PCDHGA7: variants seen among roughly 807,000 people sequenced by gnomAD.
PCDHGA7 encodes the protein protocadherin gamma-A7.
In PCDHGA7, 44 loss-of-function variants were observed where a neutral mutation model predicts 58.3. The observed-to-expected ratio is 0.75, with a 90% CI of 0.59 to 0.97. PCDHGA7 has a LOEUF of 0.97. Among genes scored for constraint, PCDHGA7 ranks in the 50% least tolerant of loss-of-function variants. The pLI is 0.00. For synonymous variants in PCDHGA7, 516 were observed against 504.2 expected (o/e 1.02, Z -0.31); for missense variants, 1,266 against 1,188.7 (o/e 1.06, Z -0.96).
At chr5:141,501,334 C>CA (rs2099808390) in intron 2 of PCDHGA7, among the ~76,000 whole-genome samples, 1 of 145,376 alleles carries the variant, frequency 6.9e-6, no homozygotes, top group Non-Finnish European at 1.5e-5. Flanking sequence ...CACACACACA[C>CA]CCCAAACTCA....
At chr5:141,430,906 C>A (rs764039566) in intron 1 of PCDHGA7, 2 of 1,606,932 alleles carry the variant, frequency 1.2e-6, no homozygotes, top group Non-Finnish European at 1.7e-6. Flanking sequence ...GCGACATCTC[C>A]AGGGACCTGG....
In PCDHGA7 at chr5:141,487,107, T is replaced by C. The variant is rs1193091014; in HGVS notation, c.2425-7700T>C. 6.2e-7 allele frequency: 1 copy of C among 1,613,926 alleles called. No individual in the cohort carries two copies. The highest frequency in any genetic ancestry group is 8.5e-7 in the Non-Finnish European group (1 of 1,179,782). On this transcript the variant is annotated intron_variant, in intron 1 of 3. Transcript: ENST00000518325. This position sits in a 1 kb window ranked among gnomAD's most constrained non-coding sequence, Gnocchi z 5.0. ...GACCTCCCACCACAGAAGCTGGTCA[T>C]TGTGGTAAAGGATAGTGGTAGTCCA...
At chr5:141,481,357 G>A (rs1399668487) in intron 1 of PCDHGA7, among the ~76,000 whole-genome samples, 1 of 152,176 alleles carries the variant, frequency 6.6e-6, no homozygotes, top group Non-Finnish European at 1.5e-5. Context: ...ATCTACAGCT[G>A]TTCAATAGAT....
Position 141,432,206 on chromosome 5 carries a change from G to T in PCDHGA7, c.2424+46883G>T, listed in dbSNP as rs551220443. ...GACCGCCCACGACCCCGACTGTGAA[G>T]AGAACGCCCAGATCACTTATTCCCT... On this transcript the variant is annotated intron_variant, in intron 1 of 3. Coordinates refer to ENST00000518325, the MANE Select transcript of PCDHGA7 (RefSeq NM_018920.4). The surrounding 1 kb of genome is among the most constrained non-coding windows in gnomAD (Gnocchi z 6.0). 12 of 1,614,214 alleles carry T rather than the reference G, an allele frequency of 7.4e-6. No individual in the cohort carries two copies. The Admixed American group carries it at 8.3e-5, about 11-fold the overall frequency.
rs182936964 is a variant in PCDHGA7, at chr5:141,502,069, T to C, written c.2484-3324T>C. 1.1e-3 allele frequency among the ~76,000 whole-genome samples: 175 copies of C among 152,186 alleles called. 1 individual carries two copies. Among genetic ancestry groups the C allele is most frequent in the African/African-American group, 3.9e-3 (162 of 41,524 alleles). ...CCCTACTTTATTCCCATTAGCCCCC[T>C]TCACCTGGGGCTGAGAACACCTGGC... On this transcript the variant is annotated intron_variant, in intron 2 of 3. Coordinates refer to ENST00000518325, the MANE Select transcript of PCDHGA7 (RefSeq NM_018920.4).
intron 1 of PCDHGA7, chr5:141,398,580 A>T: frequency 1.2e-6 from 2 of 1,614,044 alleles, no homozygotes; most frequent in Non-Finnish European, 1.7e-6. Flanking sequence ...CTGGCACAAG[A>T]TTTATACTAG....
chr5:141,422,807 G>C (rs199507728), intron 1 of PCDHGA7: 7 of 1,614,198 alleles, frequency 4.3e-6, no homozygotes, highest in Non-Finnish European at 5.9e-6. Context: ...GAGCAGTTTC[G>C]AGACTTAGAA....
At position 141,423,654 on chromosome 5, in the gene PCDHGA7, T is replaced by C. The variant is rs768410507; in HGVS notation, c.2424+38331T>C. The C allele has an allele frequency of 6.3e-6, 10 of 1,583,982 alleles. No individual in the cohort carries two copies. The Admixed American group carries it at 1.8e-4, about 28-fold the overall frequency. ...TTTTAGGCAAATGTGACCCGACAAG[T>C]AATCAGGTGAGATTTATTTCTCTGC... On this transcript the variant is annotated intron_variant, in intron 1 of 3. Transcript: ENST00000518325.
intron 1 of PCDHGA7, chr5:141,423,466 G>C (rs770939556): frequency 1.2e-6 from 2 of 1,613,904 alleles, no homozygotes; most frequent in Admixed American, 3.3e-5. Context: ...CGTGGACGGG[G>C]TACAGGCTTT....
At chr5:141,403,574 C>T (rs1441332710) in intron 1 of PCDHGA7, 1 of 1,613,960 alleles carries the variant, frequency 6.2e-7, no homozygotes, top group Non-Finnish European at 8.5e-7. Context: ...GGCAACTGCC[C>T]ACCACCTGGT....
At position 141,512,133 on chromosome 5, in the gene PCDHGA7, G is replaced by C. The variant is rs1394116556; in HGVS notation, c.*960G>C. 1 of 152,708 alleles carries C rather than the reference G, an allele frequency of 6.5e-6. No homozygotes were observed. Among genetic ancestry groups the C allele is most frequent in the Non-Finnish European group, 1.5e-5 (1 of 68,102 alleles). The allele number at this position is 152,708 out of a possible 1,614,324, so 9.5% of individuals were successfully genotyped here. On this transcript the variant is annotated 3_prime_UTR_variant, in exon 4 of 4. Transcript: ENST00000518325. ...CCACTACATAATAGGGCTCAGCCCA[G>C]GCAGCCAGCTTTGGGCTGAGCTAAC...
At chr5:141,404,623 C>T in intron 1 of PCDHGA7, 3 of 1,614,154 alleles carry the variant, frequency 1.9e-6, no homozygotes, top group Non-Finnish European at 2.5e-6. Context: ...ACCAGAATGA[C>T]AATGCCCCAG....
In PCDHGA7 at chr5:141,487,954, T is replaced by C. The variant is rs2099669751; in HGVS notation, c.2425-6853T>C. On this transcript the variant is annotated intron_variant, in intron 1 of 3. Transcript: ENST00000518325. The surrounding 1 kb of genome is among the most constrained non-coding windows in gnomAD (Gnocchi z 5.0). ...GGGTACAGTGCACCAGGCAGTCACTTGGACAAAGGTGGCTGTTTTCTCTAC... is the reference window on the plus strand; with the variant it reads ...GGGTACAGTGCACCAGGCAGTCACTCGGACAAAGGTGGCTGTTTTCTCTAC... Among the ~76,000 whole-genome samples the C allele has an allele frequency of 6.6e-6, 1 of 152,182 alleles. No homozygotes were observed. The highest frequency in any genetic ancestry group is 1.5e-5 in the Non-Finnish European group (1 of 68,020).
At chr5:141,387,534 G>T in intron 1 of PCDHGA7, among the ~76,000 whole-genome samples, 1 of 152,198 alleles carries the variant, frequency 6.6e-6, no homozygotes, top group East Asian at 1.9e-4. Context: ...ACGTATCCAC[G>T]TAGTTTTTGT....
At chr5:141,492,449 T>C (rs1045043841) in intron 1 of PCDHGA7, among the ~76,000 whole-genome samples, 50 of 152,314 alleles carry the variant, frequency 3.3e-4, no homozygotes, top group African/African-American at 1.2e-3. Flanking sequence ...TAGCTGATTG[T>C]GCGCGCCTGA....
intron 1 of PCDHGA7, chr5:141,422,395 C>T: frequency 1.9e-6 from 3 of 1,596,286 alleles, no homozygotes; most frequent in South Asian, 1.1e-5. Context: ...TATTCCTAAC[C>T]ACCTGCCTTT....
At position 141,410,085 on chromosome 5, in the gene PCDHGA7, C is replaced by G; in HGVS notation, c.2424+24762C>G. 3 of 1,612,476 alleles carry G rather than the reference C, an allele frequency of 1.9e-6. No homozygotes were observed. In the South Asian group the frequency reaches 3.3e-5, roughly 18 times the overall value. On this transcript the variant is annotated intron_variant, in intron 1 of 3. Transcript: ENST00000518325. Reference sequence around the variant, plus strand: ...GGGCTGCGCACTGGGGAGGTGCGCACGGCTCGAGCCTTAGGCGACAGGGAC... The same window carrying G: ...GGGCTGCGCACTGGGGAGGTGCGCAGGGCTCGAGCCTTAGGCGACAGGGAC...
At position 141,490,852 on chromosome 5, in the gene PCDHGA7, G is replaced by A. The variant is rs759198428; in HGVS notation, c.2425-3955G>A. 2 of 1,613,896 alleles carry A rather than the reference G, an allele frequency of 1.2e-6. No individual in the cohort carries two copies. Among genetic ancestry groups the A allele is most frequent in the Non-Finnish European group, 1.7e-6 (2 of 1,179,928 alleles). ...GCTGCAGATTGTGGTGGGGGTTCGA[G>A]ACTCCGGCTCTCCCCCATTGCATGC... On this transcript the variant is annotated intron_variant, in intron 1 of 3. Transcript: ENST00000518325. The surrounding 1 kb of genome is among the most constrained non-coding windows in gnomAD (Gnocchi z 5.4).
At chr5:141,460,985 ATATATATATATGTG>A (rs2099005673) in intron 1 of PCDHGA7, among the ~76,000 whole-genome samples, 1 of 91,766 alleles carries the variant, frequency 1.1e-5, no homozygotes, top group Non-Finnish European at 2.2e-5. Flanking sequence ...GTGTGTGTGT[ATATATATATATGTG>A]TATATATATA....
Sources: gnomAD v4.1 joint callset for allele counts (sites outside exome capture counted in the v4.1 genomes callset) on GRCh38, gnomAD v4.1.1 for gene constraint, Gnocchi (gnomAD v3.1) non-coding constraint, MANE v1.5 for transcripts, NCBI Gene and HGNC (gene_info 2026-07-23, HGNC 2026-07-21) for gene names.